ACOT9: variants seen among roughly 807,000 people sequenced by gnomAD.
ACOT9 encodes the protein acyl-coenzyme A thioesterase 9, mitochondrial.
ACOT9 carries 34 observed loss-of-function variants against 39.7 expected under a neutral mutation model. The observed-to-expected ratio is 0.86, with a 90% CI of 0.65 to 1.14. The LOEUF (loss-of-function observed/expected upper bound fraction) is 1.14, where lower values mean the gene tolerates loss of function less well. Among genes scored for constraint, ACOT9 ranks in the 50% most tolerant of loss-of-function variants. ACOT9 has a pLI of 0.00. For missense variants in ACOT9, 313 were observed against 344.1 expected (o/e 0.91, Z 0.71); for synonymous variants, 110 against 120.5 (o/e 0.91, Z 0.57).
chrX:23,739,023 C>T (rs974624085), intron 1 of ACOT9, among the ~76,000 whole-genome samples: 5 of 111,620 alleles, frequency 4.5e-5, no homozygotes, highest in Non-Finnish European at 7.5e-5. Flanking sequence ...TTTGGGAGGC[C>T]GAGGCAGGCG....
rs988066103 is a variant in ACOT9, at chrX:23,704,771, T to C, written c.1181A>G (p.His394Arg). The C allele has an allele frequency of 8.3e-7, 1 of 1,209,579 alleles. No homozygotes were observed. The highest frequency in any genetic ancestry group is 1.7e-5 in the African/African-American group (1 of 57,310). Residue 394 changes from histidine (H) to arginine (R), a missense_variant, in exon 15 of 16, where the codon CAT becomes CGT. His to Arg is a conservative substitution (Grantham distance 29). Coordinates refer to ENST00000379303, the MANE Select transcript of ACOT9 (RefSeq NM_001037171.2). The part of the protein sequence containing the change: ...SEVASLQEKQ[H>R]TTTNVFHFTF... ...GAAATGAAAGACATTGGTGGTTGTA[T>C]GCTGCTTCTCCTGCAGGGAGGCCAC...
At chrX:23,729,523 G>A (rs1322206967) in intron 6 of ACOT9, among the ~76,000 whole-genome samples, 1 of 112,582 alleles carries the variant, frequency 8.9e-6, no homozygotes, top group Non-Finnish European at 1.9e-5. Flanking sequence ...TTGTTTTGTA[G>A]TTATGTAGAA....
chrX:23,705,434 G>T, intron 13 of ACOT9, 75 bp downstream of exon 13: 2 of 817,992 alleles, frequency 2.4e-6, no homozygotes, highest in Non-Finnish European at 3.6e-6. Context: ...ACCCAGACTG[G>T]TCCGAAATGT....
chrX:23,734,414 A>G (rs1259514558), intron 2 of ACOT9, 47 bp from the exon 3 acceptor site: 2 of 1,046,579 alleles, frequency 1.9e-6, no homozygotes, highest in South Asian at 4.0e-5. Flanking sequence ...CAATAATTCA[A>G]AACTAAAAGA....
chrX:23,735,863 A>T, intron 2 of ACOT9, 56 bp downstream of exon 2: 2 of 1,074,474 alleles, frequency 1.9e-6, no homozygotes, highest in Non-Finnish European at 1.3e-6. Flanking sequence ...CCTTTCAAAT[A>T]AAAGTAAAAC....
chrX:23,737,931 C>A (rs1433175505), intron 1 of ACOT9, among the ~76,000 whole-genome samples: 1 of 102,526 alleles, frequency 9.8e-6, no homozygotes, highest in Non-Finnish European at 2.0e-5. Context: ...TGCAGTGGTG[C>A]GATCTCGGCT....
At chrX:23,720,386 T>C (rs1474455318) in intron 8 of ACOT9, among the ~76,000 whole-genome samples, 1 of 111,889 alleles carries the variant, frequency 8.9e-6, no homozygotes, top group African/African-American at 3.2e-5. Flanking sequence ...TGAACGTGAC[T>C]GTATTTGGAA....
chrX:23,721,239 C>T (rs1371349615), intron 8 of ACOT9, among the ~76,000 whole-genome samples: 2 of 110,138 alleles, frequency 1.8e-5, no homozygotes, highest in Non-Finnish European at 3.8e-5. Flanking sequence ...TACAGGCGTG[C>T]ACCACCAAGC....
chrX:23,721,580 C>T (rs1929320427), intron 8 of ACOT9, among the ~76,000 whole-genome samples: 1 of 112,062 alleles, frequency 8.9e-6, no homozygotes, highest in Non-Finnish European at 1.9e-5. Flanking sequence ...ATTCCATTCA[C>T]TCCTACCATA....
intron 2 of ACOT9, 120 bp downstream of exon 2, chrX:23,735,799 A>T: frequency 1.9e-6 from 1 of 534,421 alleles, no homozygotes; most frequent in Non-Finnish European, 3.0e-6. Flanking sequence ...TGAAATGTTT[A>T]TGAAAGATCT....
chrX:23,713,980 C>T (rs1210044914), intron 8 of ACOT9, among the ~76,000 whole-genome samples: 2 of 111,039 alleles, frequency 1.8e-5, no homozygotes, highest in Non-Finnish European at 3.8e-5. Context: ...CAAGGATGCA[C>T]TGAGCTATGA....
intron 10 of ACOT9, 33 bp from the exon 11 acceptor site, chrX:23,706,772 G>T: frequency 1.1e-6 from 1 of 924,021 alleles, no homozygotes; most frequent in Non-Finnish European, 1.5e-6. Flanking sequence ...GCAATGATCA[G>T]GACGGTCGCA....
chrX:23,713,107 TAAAG>T, intron 9 of ACOT9, 24 bp downstream of exon 9: 3 of 1,148,280 alleles, frequency 2.6e-6, no homozygotes, highest in Non-Finnish European at 3.6e-6. Context: ...TTCTTCAAAA[TAAAG>T]AATTATGAAA....
At chrX:23,726,967 G>A (rs757278158) in intron 6 of ACOT9, among the ~76,000 whole-genome samples, 5 of 81,903 alleles carry the variant, frequency 6.1e-5, no homozygotes, top group Non-Finnish European at 1.1e-4. Context: ...TTACAGGCAC[G>A]CACCACCACG....
intron 1 of ACOT9, among the ~76,000 whole-genome samples, chrX:23,738,831 T>C (rs766059465): frequency 8.9e-6 from 1 of 112,170 alleles, no homozygotes; most frequent in South Asian, 3.6e-4. Flanking sequence ...ACAGGAGCTA[T>C]ATAACCAGTC....
chrX:23,737,556 T>C (rs1011579289), intron 1 of ACOT9, among the ~76,000 whole-genome samples: 1 of 112,322 alleles, frequency 8.9e-6, no homozygotes, highest in Non-Finnish European at 1.9e-5. Flanking sequence ...AAAATCTACA[T>C]GCAGTTTTGA....
intron 6 of ACOT9, among the ~76,000 whole-genome samples, chrX:23,725,396 G>A (rs751779660): frequency 2.9e-5 from 3 of 101,902 alleles, no homozygotes; most frequent in African/African-American, 1.1e-4. Flanking sequence ...GCTCGAACTC[G>A]AGAGGCAGAG....
Position 23,730,511 on chromosome X carries a change from A to G in ACOT9, c.400+16T>C, listed in dbSNP as rs1316307467. The G allele has an allele frequency of 1.9e-5, 23 of 1,188,319 alleles. No individual in the cohort carries two copies. The highest frequency in any genetic ancestry group is 2.2e-5 in the Admixed American group (1 of 45,710). On this transcript the variant is annotated intron_variant, in intron 6 of 15. Coordinates refer to ENST00000379303, the MANE Select transcript of ACOT9 (RefSeq NM_001037171.2). ...TCTGTAGGTATCTATTAGAAAGACT[A>G]AAATAATACCAGTACCTCCCAAGCT...
chrX:23,718,263 C>T, intron 8 of ACOT9, among the ~76,000 whole-genome samples: 2 of 111,591 alleles, frequency 1.8e-5, no homozygotes, highest in East Asian at 2.8e-4. Context: ...GGTTTATCCA[C>T]AGCCACATGA....
Sources: gnomAD v4.1 joint callset for allele counts (sites outside exome capture counted in the v4.1 genomes callset) on GRCh38, gnomAD v4.1.1 for gene constraint, MANE v1.5 for transcripts, NCBI Gene and HGNC (gene_info 2026-07-23, HGNC 2026-07-21) for gene names.